The following NCOA7 variants were observed in gnomAD, a reference collection of about 807,000 sequenced individuals.
NCOA7 encodes the protein 140 kDa estrogen receptor-associated protein.
NCOA7 carries 45 observed loss-of-function variants against 104.3 expected under a neutral mutation model. That is an observed-to-expected ratio of 0.43 (90% CI 0.34 to 0.55). NCOA7 has a LOEUF of 0.55. NCOA7 is among the 20% of genes least tolerant of loss of function. The pLI is 0.02. For missense variants in NCOA7, 1,041 were observed against 1,119.7 expected, an observed-to-expected ratio of 0.93 and a Z score of 1.00; for synonymous variants, 398 against 402.3, an observed-to-expected ratio of 0.99 and a Z score of 0.13.
intron 1 of NCOA7, among the ~76,000 whole-genome samples, chr6:125,785,118 G>C (rs1046431318): frequency 6.6e-6 from 1 of 152,058 alleles, no homozygotes; most frequent in Non-Finnish European, 1.5e-5. Flanking sequence ...CAGGTGGATC[G>C]CCTGAGGTCA....
chr6:125,882,377 TG>T, intron 6 of NCOA7, 48 bp from the exon 7 acceptor site: 1 of 1,594,656 alleles, frequency 6.3e-7, no homozygotes, highest in Non-Finnish European at 8.6e-7. Flanking sequence ...ACACATAATT[TG>T]TTTGAAAAGT....
At chr6:125,915,200 T>A in intron 10 of NCOA7, 133 bp from the exon 11 acceptor site, 1 of 1,109,654 alleles carries the variant, frequency 9.0e-7, no homozygotes, top group Non-Finnish European at 1.3e-6. Context: ...ATAACCTTGA[T>A]AATGGGAAAT....
At chr6:125,802,169 T>A (rs1775957557) in intron 1 of NCOA7, 1 of 152,210 alleles carries the variant, frequency 6.6e-6, no homozygotes, top group Non-Finnish European at 1.5e-5. Context: ...GTGGTTTTGA[T>A]CTTTCTGGTA....
intron 3 of NCOA7, among the ~76,000 whole-genome samples, chr6:125,868,820 C>T (rs1385267266): frequency 6.6e-6 from 1 of 152,196 alleles, no homozygotes; most frequent in Non-Finnish European, 1.5e-5. Context: ...CATCCTCCCT[C>T]TTTAGTAGAG....
At chr6:125,894,435 A>C (rs545727967) in intron 10 of NCOA7, among the ~76,000 whole-genome samples, 11 of 152,298 alleles carry the variant, frequency 7.2e-5, no homozygotes, top group Non-Finnish European at 1.3e-4. Context: ...AGAGGTGTGG[A>C]GTCTTGGGCT....
At chr6:125,826,670 G>A (rs181209491) in intron 2 of NCOA7, among the ~76,000 whole-genome samples, 2 of 152,264 alleles carry the variant, frequency 1.3e-5, no homozygotes, top group Admixed American at 6.5e-5. Flanking sequence ...ACGGTAGATT[G>A]GTAAACAAAA....
intron 14 of NCOA7, 78 bp downstream of exon 14, chr6:125,927,836 G>A: frequency 8.3e-7 from 1 of 1,201,124 alleles, no homozygotes; most frequent in Non-Finnish European, 1.2e-6. Context: ...CATTGGGGCA[G>A]CTAGCTGTCC....
At chr6:125,881,053 T>C in intron 5 of NCOA7, 37 bp from the exon 6 acceptor site, 1 of 1,332,048 alleles carries the variant, frequency 7.5e-7, no homozygotes, top group African/African-American at 1.4e-5. Context: ...TTTGCCTGGT[T>C]GCTGGTACTC....
At chr6:125,875,048 C>A in intron 4 of NCOA7, 80 bp downstream of exon 4, 1 of 1,071,914 alleles carries the variant, frequency 9.3e-7, no homozygotes, top group Non-Finnish European at 1.4e-6. Flanking sequence ...CATCCTGCCC[C>A]TTGGCTGCAT....
intron 2 of NCOA7, among the ~76,000 whole-genome samples, chr6:125,843,593 G>A (rs906581383): frequency 3.9e-5 from 6 of 152,018 alleles, no homozygotes; most frequent in Admixed American, 1.3e-4. Flanking sequence ...TCTGAGTTGC[G>A]GTGTTTGTCA....
At chr6:125,919,562 T>C (rs2128694961) in intron 11 of NCOA7, 1 of 878,804 alleles carries the variant, frequency 1.1e-6, no homozygotes. Context: ...GGTGTTTTAT[T>C]CATTGCGGAG....
chr6:125,885,827 C>T (rs970638539), intron 8 of NCOA7, among the ~76,000 whole-genome samples: 12 of 152,154 alleles, frequency 7.9e-5, no homozygotes, highest in African/African-American at 2.9e-4. Context: ...TAGTGGTAGC[C>T]ACCTTCTCAT....
chr6:125,815,462 T>C, intron 2 of NCOA7, 58 bp downstream of exon 2: 2 of 1,372,286 alleles, frequency 1.5e-6, no homozygotes, highest in Non-Finnish European at 2.1e-6. Context: ...TTGAGGGGAC[T>C]TTGTCCTCAA....
intron 1 of NCOA7, among the ~76,000 whole-genome samples, chr6:125,806,076 C>G (rs375940235): frequency 2.6e-5 from 4 of 152,332 alleles, no homozygotes; most frequent in East Asian, 3.9e-4. Flanking sequence ...CACAATGGCT[C>G]ACACCTGTAA....
intron 14 of NCOA7, among the ~76,000 whole-genome samples, 168 bp from the exon 15 acceptor site, chr6:125,928,006 C>G (rs1441149763): frequency 2.6e-5 from 4 of 152,236 alleles, no homozygotes; most frequent in African/African-American, 9.6e-5. Context: ...TCCTTCGTAA[C>G]CCCTTGGGAG....
intron 1 of NCOA7, among the ~76,000 whole-genome samples, chr6:125,813,425 C>T (rs1223331223): frequency 1.3e-5 from 2 of 151,342 alleles, no homozygotes; most frequent in East Asian, 3.9e-4. Context: ...CCTGCTTGCT[C>T]GTACCCTTTA....
At chr6:125,852,182 G>A (rs535916626) in intron 2 of NCOA7, among the ~76,000 whole-genome samples, 6 of 151,748 alleles carry the variant, frequency 4.0e-5, no homozygotes, top group Admixed American at 2.6e-4. Flanking sequence ...GCCAATGTCC[G>A]GAAGAGTTTT....
At chr6:125,823,962 A>G (rs957571951) in intron 2 of NCOA7, among the ~76,000 whole-genome samples, 4 of 152,188 alleles carry the variant, frequency 2.6e-5, no homozygotes, top group African/African-American at 9.6e-5. Context: ...GTATGTACAT[A>G]TTGAATCACA....
chr6:125,808,473 G>A (rs180709576), intron 1 of NCOA7, among the ~76,000 whole-genome samples: 1 of 152,288 alleles, frequency 6.6e-6, no homozygotes, highest in African/African-American at 2.4e-5. Context: ...TGTGTCTGCA[G>A]CAGAATACTT....
Sources: allele counts gnomAD v4.1 joint callset (sites outside exome capture counted in the v4.1 genomes callset), GRCh38; gene constraint gnomAD v4.1.1; transcripts MANE v1.5; gene names NCBI Gene and HGNC (gene_info 2026-07-23, HGNC 2026-07-21).